CLEC16A: variants seen among roughly 807,000 people sequenced by gnomAD.
CLEC16A encodes the protein protein CLEC16A.
A neutral mutation model predicts 109.5 loss-of-function variants in CLEC16A; 51 were observed. That is an observed-to-expected ratio of 0.47 (90% CI 0.37 to 0.59). CLEC16A has a LOEUF of 0.59. Among genes scored for constraint, CLEC16A ranks in the 20% least tolerant of loss-of-function variants. The pLI is 0.00. For missense variants in CLEC16A, 1,339 were observed against 1,394.0 expected (o/e 0.96, Z 0.63); for synonymous variants, 673 against 564.2 (o/e 1.19, Z -2.73).
intron 22 of CLEC16A, among the ~76,000 whole-genome samples, chr16:11,158,804 C>T (rs1415381959): frequency 6.6e-6 from 1 of 152,022 alleles, no homozygotes; most frequent in Non-Finnish European, 1.5e-5. Context: ...CCTGTAGTCC[C>T]AGCTACTTGG....
At position 10,944,805 on chromosome 16, in the gene CLEC16A, TG is replaced by T; in HGVS notation, c.80+14del. 1 of 1,600,378 alleles carries T rather than the reference TG, an allele frequency of 6.2e-7. No individual in the cohort carries two copies. Among genetic ancestry groups the T allele is most frequent in the Non-Finnish European group, 8.5e-7 (1 of 1,173,264 alleles). ...CTCCTTGGACCACCTCAAGTGAGTGTGGGGGGCGTAGCGGGAGGCCTCGGGG... is the reference window on the plus strand; with the variant it reads ...CTCCTTGGACCACCTCAAGTGAGTGTGGGGGCGTAGCGGGAGGCCTCGGGG... On this transcript the variant is annotated intron_variant, in intron 1 of 23. Coordinates refer to ENST00000409790, the MANE Select transcript of CLEC16A (RefSeq NM_015226.3).
chr16:11,075,627 G>A (rs548105660), intron 19 of CLEC16A, among the ~76,000 whole-genome samples: 10 of 152,104 alleles, frequency 6.6e-5, no homozygotes, highest in Admixed American at 2.6e-4. Context: ...TATAGAGATG[G>A]AGTCTTGCTA....
At chr16:11,052,681 G>A (rs953199130) in intron 18 of CLEC16A, among the ~76,000 whole-genome samples, 18 of 152,168 alleles carry the variant, frequency 1.2e-4, no homozygotes, top group Admixed American at 7.2e-4. Flanking sequence ...TGCACTGGAC[G>A]TCCTGGCATC....
chr16:11,103,253 C>G (rs2051027169), intron 19 of CLEC16A, among the ~76,000 whole-genome samples: 1 of 152,168 alleles, frequency 6.6e-6, no homozygotes, highest in Non-Finnish European at 1.5e-5. Flanking sequence ...CTCTGCTTGG[C>G]CCATTGCTGG....
intron 4 of CLEC16A, among the ~76,000 whole-genome samples, chr16:10,969,652 C>G (rs369799476): frequency 6.6e-6 from 1 of 152,172 alleles, no homozygotes; most frequent in African/African-American, 2.4e-5. Flanking sequence ...CCTGGCCAGC[C>G]TTTCCATTGT....
intron 19 of CLEC16A, among the ~76,000 whole-genome samples, chr16:11,081,315 T>C (rs1431387794): frequency 6.6e-6 from 1 of 152,052 alleles, no homozygotes; most frequent in East Asian, 1.9e-4. Context: ...CTCAGCCCCC[T>C]CTCCACTCTA....
chr16:11,063,535 A>G (rs1422579901), intron 19 of CLEC16A, among the ~76,000 whole-genome samples: 1 of 152,062 alleles, frequency 6.6e-6, no homozygotes, highest in Non-Finnish European at 1.5e-5. Context: ...ACCTGACTCC[A>G]TGTGGTCTGC....
At chr16:10,988,620 C>T (rs1236208662) in intron 10 of CLEC16A, among the ~76,000 whole-genome samples, 7 of 152,176 alleles carry the variant, frequency 4.6e-5, no homozygotes, top group Admixed American at 4.6e-4. Context: ...TTCTCTTTGC[C>T]TCAGTGGCTG....
intron 1 of CLEC16A, among the ~76,000 whole-genome samples, chr16:10,949,145 G>T (rs1015829638): frequency 6.6e-6 from 1 of 152,192 alleles, no homozygotes; most frequent in African/African-American, 2.4e-5. Context: ...GGCGGAGAAT[G>T]GATCCATGGC....
intron 22 of CLEC16A, among the ~76,000 whole-genome samples, chr16:11,139,053 C>T (rs2053701613): frequency 6.7e-6 from 1 of 149,838 alleles, no homozygotes; most frequent in Non-Finnish European, 1.5e-5. Flanking sequence ...GGTTTCCCTC[C>T]CCGAATGTTC....
rs74723488 is a variant in CLEC16A, at chr16:11,149,321, A to G, written c.2642-17067A>G. ...GTTGTATTAATTTTTGTGCATTAATACATGAACGTAGAATATTATAAATGA... is the reference window on the plus strand; with the variant it reads ...GTTGTATTAATTTTTGTGCATTAATGCATGAACGTAGAATATTATAAATGA... On this transcript the variant is annotated intron_variant, in intron 22 of 23. Transcript: ENST00000409790. Among the ~76,000 whole-genome samples, 394 of 152,358 alleles carry G rather than the reference A, an allele frequency of 2.6e-3. 1 individual carries two copies. The highest frequency in any genetic ancestry group is 9.1e-3 in the African/African-American group (379 of 41,574).
At chr16:11,028,485 C>G (rs2046551583) in intron 13 of CLEC16A, among the ~76,000 whole-genome samples, 2 of 149,176 alleles carry the variant, frequency 1.3e-5, no homozygotes, top group South Asian at 4.2e-4. Flanking sequence ...TTGAAAAAGA[C>G]TTGAAATACA....
At chr16:11,150,705 C>T (rs955189268) in intron 22 of CLEC16A, among the ~76,000 whole-genome samples, 1 of 152,140 alleles carries the variant, frequency 6.6e-6, no homozygotes, top group African/African-American at 2.4e-5. Context: ...AACAAAGTCC[C>T]ACAAACTGGG....
At chr16:11,162,204 C>T (rs917953082) in intron 22 of CLEC16A, among the ~76,000 whole-genome samples, 2 of 152,244 alleles carry the variant, frequency 1.3e-5, no homozygotes, top group East Asian at 1.9e-4. Flanking sequence ...AGACTCTGGG[C>T]TGCGCCCCCC....
chr16:11,171,711 A>C (rs1273579307), intron 23 of CLEC16A, among the ~76,000 whole-genome samples: 1 of 152,246 alleles, frequency 6.6e-6, no homozygotes, highest in African/African-American at 2.4e-5. Flanking sequence ...GTGGGGCCAC[A>C]GGAAAACGTT....
chr16:11,007,204 C>T (rs1567186496), intron 11 of CLEC16A, among the ~76,000 whole-genome samples: 1 of 152,182 alleles, frequency 6.6e-6, no homozygotes, highest in Non-Finnish European at 1.5e-5. Context: ...AAAGCCTACT[C>T]ATTTGTTGAA....
rs7195022 is a variant in CLEC16A, at chr16:11,178,388, A to G, written c.2860A>G (p.Ile954Val). The G allele has an allele frequency of 2.4e-4, 381 of 1,613,836 alleles. 2 individuals carry two copies. The African/African-American group carries it at 4.4e-3, about 18-fold the overall frequency. The change falls in exon 24 of 24, where the codon ATC (isoleucine) becomes GTC (valine). Residue 954 changes from isoleucine (I) to valine (V), a missense_variant. This residue lies in a region of CLEC16A where 1,061 missense variants were observed against 1,006.8 expected (regional missense o/e 1.05). Coordinates refer to ENST00000409790, the MANE Select transcript of CLEC16A (RefSeq NM_015226.3). The surrounding 1 kb of genome is among the most constrained non-coding windows in gnomAD (Gnocchi z 6.5). Reference protein sequence around the residue: ...PKPHLPDQLVIVNETEADSKP... With the variant: ...PKPHLPDQLVVVNETEADSKP... The stretch of plus-strand genomic sequence containing the variant: ...GCCTCACCTTCCTGACCAGTTGGTA[A>G]TCGTCAACGAAACGGAAGCAGACTC...
intron 19 of CLEC16A, among the ~76,000 whole-genome samples, chr16:11,107,094 C>T (rs1161112165): frequency 6.6e-6 from 1 of 152,250 alleles, no homozygotes; most frequent in Non-Finnish European, 1.5e-5. Context: ...ATCAGTGTGG[C>T]ACCTGTAGTG....
At chr16:10,974,148 G>C (rs1258795650) in intron 7 of CLEC16A, among the ~76,000 whole-genome samples, 3 of 151,368 alleles carry the variant, frequency 2.0e-5, no homozygotes, top group African/African-American at 7.3e-5. Flanking sequence ...CCACCCACCT[G>C]GGCCTCCCAG....
Sources: allele counts gnomAD v4.1 joint callset (sites outside exome capture counted in the v4.1 genomes callset), GRCh38; gene constraint gnomAD v4.1.1; regional missense constraint gnomAD v4.1.1; non-coding constraint Gnocchi (gnomAD v3.1); transcripts MANE v1.5; gene names NCBI Gene and HGNC (gene_info 2026-07-23, HGNC 2026-07-21).